The following SIPA1L2 variants were observed in gnomAD, a reference collection of about 807,000 sequenced individuals.
The protein encoded by SIPA1L2 is signal induced proliferation associated 1 like 2.
In SIPA1L2, 56 loss-of-function variants were observed where a neutral mutation model predicts 163.9. The ratio of observed to expected loss-of-function variants is 0.34; its 90% CI spans 0.28 to 0.43. SIPA1L2 has a LOEUF of 0.43. SIPA1L2 is among the 20% of genes least tolerant of loss of function. The pLI is 1.00. For missense variants in SIPA1L2, 1,974 were observed against 2,193.5 expected, an observed-to-expected ratio of 0.90 and a Z score of 2.00; for synonymous variants, 877 against 865.7, an observed-to-expected ratio of 1.01 and a Z score of -0.23.
Position 232,515,495 on chromosome 1 carries a change from TAC to T in SIPA1L2, c.-158_-157del. The T allele has an allele frequency of 4.1e-6, 3 of 737,534 alleles. No individual in the cohort carries two copies. Among genetic ancestry groups the T allele is most frequent in the East Asian group, 5.6e-5 (2 of 35,582 alleles). The allele number at this position is 737,534 out of a possible 1,614,324, so 45.7% of individuals were successfully genotyped here. On this transcript the variant is annotated 5_prime_UTR_variant, in exon 3 of 23. The change abolishes the stop of an existing upstream ORF in the 5' untranslated region. Coordinates refer to ENST00000674635, the MANE Select transcript of SIPA1L2 (RefSeq NM_020808.5). ...CCCAAAGCAAACAACATCCTCAGAATACAGTTTCTTCAAAGCCAACTTGCTTC... is the reference window on the plus strand; with the variant it reads ...CCCAAAGCAAACAACATCCTCAGAATAGTTTCTTCAAAGCCAACTTGCTTC...
intron 1 of SIPA1L2, among the ~76,000 whole-genome samples, chr1:232,605,196 T>A: frequency 6.6e-6 from 1 of 152,138 alleles, no homozygotes; most frequent in East Asian, 1.9e-4. Context: ...TATCTTTTTG[T>A]ACAGACGGGG....
chr1:232,490,940 C>G lies in SIPA1L2; in HGVS notation c.1740G>C (p.Gln580His). Reference protein sequence around the residue: ...LEYVIPELSIQCLRQASNSPK... With the variant: ...LEYVIPELSIHCLRQASNSPK... ...GTGAGTTGGAAGCCTGTCGCAAACA[C>G]TGAATGCTCAGCTCTGGAATGACGT... Residue 580 changes from glutamine to histidine, a missense_variant, in exon 5 of 23, where the codon CAG becomes CAC. Physicochemically the swap from Gln to His is conservative, Grantham distance 24. This residue lies in a region of SIPA1L2 where 288 missense variants were observed against 418.9 expected (regional missense o/e 0.69). Coordinates refer to ENST00000674635, the MANE Select transcript of SIPA1L2 (RefSeq NM_020808.5). 1 of 1,614,180 alleles carries G rather than the reference C, an allele frequency of 6.2e-7. No homozygotes were observed.
intron 1 of SIPA1L2, among the ~76,000 whole-genome samples, chr1:232,595,312 C>T (rs1661199335): frequency 6.6e-6 from 1 of 152,050 alleles, no homozygotes; most frequent in Non-Finnish European, 1.5e-5. Flanking sequence ...CAAAGAAGGC[C>T]TTCACTCTAA....
intron 1 of SIPA1L2, among the ~76,000 whole-genome samples, chr1:232,612,918 T>C (rs1187127769): frequency 1.3e-5 from 2 of 151,308 alleles, no homozygotes; most frequent in African/African-American, 4.9e-5. Context: ...TGTACTCCCA[T>C]AATTCCTACA....
intron 7 of SIPA1L2, among the ~76,000 whole-genome samples, chr1:232,478,144 C>T (rs1339929350): frequency 6.6e-6 from 1 of 152,074 alleles, no homozygotes; most frequent in Non-Finnish European, 1.5e-5. Flanking sequence ...AGCTAAAATC[C>T]CTTAGGTTAA....
At position 232,461,129 on chromosome 1, in the gene SIPA1L2, C is replaced by T; in HGVS notation, c.2853G>A (p.Met951Ile). The change falls in exon 10 of 23, where the codon ATG (methionine) becomes ATA (isoleucine). Residue 951 changes from methionine (M) to isoleucine (I), a missense_variant. Physicochemically the swap from Met to Ile is conservative, Grantham distance 10. This residue lies in a region of SIPA1L2 where 1,079 missense variants were observed against 1,150.7 expected (regional missense o/e 0.94). Transcript: ENST00000674635. ...IVTRGCETVE[M>I]TLRRNGLGQL... ...GGCCCAGCCCGTTCCTCCTCAGGGTCATTTCCACAGTCTCGCAGCCTCTCG... is the reference window on the plus strand; with the variant it reads ...GGCCCAGCCCGTTCCTCCTCAGGGTTATTTCCACAGTCTCGCAGCCTCTCG... 6.2e-7 allele frequency: 1 copy of T among 1,614,258 alleles called. No individual in the cohort carries two copies. The highest frequency in any genetic ancestry group is 8.5e-7 in the Non-Finnish European group (1 of 1,180,042).
At chr1:232,434,690 G>A (rs1428566416) in intron 15 of SIPA1L2, among the ~76,000 whole-genome samples, 1 of 152,170 alleles carries the variant, frequency 6.6e-6, no homozygotes, top group East Asian at 1.9e-4. Flanking sequence ...TAGACAACGA[G>A]CTCTGACGCC....
In SIPA1L2 at chr1:232,628,880, A is replaced by T. The variant is rs542282334; in HGVS notation, c.-319+989T>A. 2.6e-5 allele frequency among the ~76,000 whole-genome samples: 4 copies of T among 152,306 alleles called. No homozygotes were observed. The East Asian group carries it at 7.7e-4, about 29-fold the overall frequency. Reference sequence around the variant, plus strand: ...GCGACTATTTTGAACTTACTGGGCAAAGACATGAGAATCACCAAGATTCTT... The same window carrying T: ...GCGACTATTTTGAACTTACTGGGCATAGACATGAGAATCACCAAGATTCTT... On this transcript the variant is annotated intron_variant, in intron 1 of 22. Coordinates refer to ENST00000674635, the MANE Select transcript of SIPA1L2 (RefSeq NM_020808.5).
intron 1 of SIPA1L2, among the ~76,000 whole-genome samples, chr1:232,625,968 G>A (rs1232139826): frequency 1.3e-5 from 2 of 152,108 alleles, no homozygotes; most frequent in South Asian, 4.1e-4. Context: ...CCATGCAAAA[G>A]AAAAAAGTGT....
chr1:232,431,143 TA>T (rs1309110910), intron 16 of SIPA1L2, among the ~76,000 whole-genome samples: 3 of 152,188 alleles, frequency 2.0e-5, no homozygotes, highest in East Asian at 3.9e-4. Flanking sequence ...AAAATGCTTC[TA>T]AAAATATTTC....
chr1:232,627,683 A>C (rs1053565680), intron 1 of SIPA1L2, among the ~76,000 whole-genome samples: 1 of 152,240 alleles, frequency 6.6e-6, no homozygotes, highest in Non-Finnish European at 1.5e-5. Context: ...TGATTTCAAA[A>C]CATAAAAAGC....
chr1:232,449,067 G>A (rs531369697), intron 10 of SIPA1L2, among the ~76,000 whole-genome samples: 2 of 152,082 alleles, frequency 1.3e-5, no homozygotes, highest in African/African-American at 4.8e-5. Context: ...AAGACAAGCA[G>A]ATGTAAACCA....
chr1:232,582,999 C>T (rs575543938), intron 1 of SIPA1L2, among the ~76,000 whole-genome samples: 7 of 152,284 alleles, frequency 4.6e-5, no homozygotes, highest in African/African-American at 1.7e-4. Flanking sequence ...GAACACAAAG[C>T]GCAAATTTCT....
intron 2 of SIPA1L2, among the ~76,000 whole-genome samples, chr1:232,572,716 T>TATAC (rs1442626827): frequency 8.3e-5 from 6 of 72,330 alleles, no homozygotes; most frequent in Non-Finnish European, 1.2e-4. Context: ...TATATATATA[T>TATAC]ACACACATAT....
chr1:232,556,987 T>C (rs905713316), intron 2 of SIPA1L2, among the ~76,000 whole-genome samples: 3 of 152,142 alleles, frequency 2.0e-5, no homozygotes, highest in Non-Finnish European at 2.9e-5. Context: ...AGAGAAGCCA[T>C]GTGGAAGAAA....
Position 232,428,328 on chromosome 1 carries a change from G to A in SIPA1L2, c.4410+83C>T, listed in dbSNP as rs147555124. The A allele has an allele frequency of 6.7e-3, 8,511 of 1,261,002 alleles. 43 individuals are homozygous for A. Among genetic ancestry groups the A allele is most frequent in the Non-Finnish European group, 8.2e-3 (7,795 of 951,404 alleles). 78.1% of individuals were successfully genotyped at this position (1,261,002 alleles called of 1,614,324 possible). A position where few individuals can be genotyped will look rare whatever the true frequency, so the allele number is the denominator to read the frequency against. The stretch of plus-strand genomic sequence containing the variant: ...AGATGAAGCATGTGGGAGTACTCTG[G>A]AAACCTCTGAGTTTCTTTAGACTTT... On this transcript the variant is annotated intron_variant, in intron 17 of 22. Coordinates refer to ENST00000674635, the MANE Select transcript of SIPA1L2 (RefSeq NM_020808.5).
intron 1 of SIPA1L2, among the ~76,000 whole-genome samples, chr1:232,604,091 G>A (rs779758294): frequency 2.6e-5 from 4 of 151,862 alleles, no homozygotes; most frequent in East Asian, 1.9e-4. Flanking sequence ...AGGATACAAC[G>A]CATCCACAGA....
In SIPA1L2 at chr1:232,514,316, T is replaced by C. The variant is rs778628403; in HGVS notation, c.1024A>G (p.Asn342Asp). Residue 342 changes from asparagine (N) to aspartate (D), a missense_variant, in exon 3 of 23, where the codon AAC (asparagine) becomes GAC (aspartate). Coordinates refer to ENST00000674635, the MANE Select transcript of SIPA1L2 (RefSeq NM_020808.5). ...TTAGCCCTCGTAGCCATGGCTTCGT[T>C]GATATTAAACAAAATGCTCTGGACA... ...YDVQSILFNI[N>D]EAMATRANVG... The C allele has an allele frequency of 2.5e-6, 4 of 1,613,370 alleles. No homozygotes were observed. The highest frequency in any genetic ancestry group is 2.5e-6 in the Non-Finnish European group (3 of 1,180,002).
Position 232,514,066 on chromosome 1 carries a change from G to A in SIPA1L2, c.1274C>T (p.Ala425Val), listed in dbSNP as rs779396936. The A allele has an allele frequency of 1.5e-5, 25 of 1,614,050 alleles. No homozygotes were observed. The highest frequency in any genetic ancestry group is 4.0e-5 in the African/African-American group (3 of 74,926). ...ETGGEGDRRI[A>V]LSRANSSSFS... is the part of the protein sequence containing the mutation. Reference sequence around the variant, plus strand: ...AGAGGATGAGTTGGCTCGAGAGAGCGCAATCCGCCTGTCGCCTTCCCCTCC... The same window carrying A: ...AGAGGATGAGTTGGCTCGAGAGAGCACAATCCGCCTGTCGCCTTCCCCTCC... The change falls in exon 3 of 23, where the codon GCG becomes GTG. Residue 425 changes from alanine (A) to valine (V), a missense_variant. By Grantham distance (64) the Ala-to-Val change is moderately conservative. Around this residue, in one of 3 missense-constraint regions of SIPA1L2, gnomAD observed 607 missense variants for 624.0 expected, o/e 0.97. Coordinates refer to ENST00000674635, the MANE Select transcript of SIPA1L2 (RefSeq NM_020808.5).
Sources: gnomAD v4.1 joint callset for allele counts (sites outside exome capture counted in the v4.1 genomes callset) on GRCh38, gnomAD v4.1.1 for gene constraint, gnomAD v4.1.1 regional missense constraint, MANE v1.5 for transcripts, NCBI Gene and HGNC (gene_info 2026-07-23, HGNC 2026-07-21) for gene names.